ITK: variants seen among roughly 807,000 people sequenced by gnomAD.
ITK encodes the protein IL2 inducible T cell kinase, also known as tyrosine-protein kinase ITK/TSK.
ITK carries 45 observed loss-of-function variants against 87.6 expected under a neutral mutation model. The observed-to-expected ratio is 0.51, with a 90% CI of 0.40 to 0.66. ITK has a LOEUF of 0.66. ITK is among the 30% of genes least tolerant of loss of function. ITK has a pLI of 0.00. For missense variants in ITK, 605 were observed against 766.3 expected (o/e 0.79, Z 2.48); for synonymous variants, 303 against 273.6 (o/e 1.11, Z -1.06).
intron 1 of ITK, among the ~76,000 whole-genome samples, chr5:157,191,422 C>T (rs1753752507): frequency 6.6e-6 from 1 of 152,134 alleles, no homozygotes; most frequent in South Asian, 2.1e-4. Flanking sequence ...TTTGATTAAT[C>T]TCAAGACAGA....
intron 1 of ITK, among the ~76,000 whole-genome samples, chr5:157,200,360 A>G (rs1753940669): frequency 6.6e-6 from 1 of 152,204 alleles, no homozygotes; most frequent in African/African-American, 2.4e-5. Flanking sequence ...AGTAAGAATG[A>G]GAGCAGGTTG....
chr5:157,249,083 C>A (rs1182384706), intron 16 of ITK, 76 bp downstream of exon 16: 10 of 1,299,566 alleles, frequency 7.7e-6, no homozygotes, highest in African/African-American at 1.5e-5. Flanking sequence ...GAGAAAGGAA[C>A]CCTCTCAGAA....
chr5:157,218,928 T>C (rs939835290), intron 5 of ITK, among the ~76,000 whole-genome samples: 34 of 152,034 alleles, frequency 2.2e-4, no homozygotes, highest in African/African-American at 8.0e-4. Context: ...TGCATTTTAA[T>C]AAGCCTCCTC....
intron 9 of ITK, 41 bp downstream of exon 9, chr5:157,238,232 T>C: frequency 6.9e-7 from 1 of 1,444,608 alleles, no homozygotes; most frequent in Non-Finnish European, 9.7e-7. Context: ...AGAGAAACAC[T>C]TCTGAAGTGT....
At chr5:157,208,534 C>A (rs1194143948) in intron 1 of ITK, among the ~76,000 whole-genome samples, 2 of 152,154 alleles carry the variant, frequency 1.3e-5, no homozygotes, top group Non-Finnish European at 2.9e-5. Flanking sequence ...CATGGATAGA[C>A]ACAGAGAAGA....
At position 157,222,859 on chromosome 5, in the gene ITK, C is replaced by T. The variant is rs749411240; in HGVS notation, c.496-4C>T. 6 of 1,613,906 alleles carry T rather than the reference C, an allele frequency of 3.7e-6. No homozygotes were observed. Among genetic ancestry groups the T allele is most frequent in the East Asian group, 4.5e-5 (2 of 44,860 alleles). ...TGCTTGGTTTTGTTGTCTCTCTTCC[C>T]CAGCGACCACTTTGGGAACCTGAAG... On this transcript the variant is annotated splice_polypyrimidine_tract_variant and splice_region_variant and intron_variant, in intron 5 of 16. Transcript: ENST00000422843.
intron 1 of ITK, among the ~76,000 whole-genome samples, chr5:157,200,593 G>T (rs1408061763): frequency 6.6e-6 from 1 of 152,192 alleles, no homozygotes; most frequent in East Asian, 1.9e-4. Context: ...CTTGTGAGAT[G>T]CCAGAAGAAC....
intron 15 of ITK, among the ~76,000 whole-genome samples, chr5:157,246,837 C>A (rs1261208362): frequency 6.6e-6 from 1 of 152,112 alleles, no homozygotes. Flanking sequence ...ATTGGGAGAA[C>A]AACAGGCAAT....
chr5:157,192,235 C>G (rs1363186398), intron 1 of ITK, among the ~76,000 whole-genome samples: 1 of 152,068 alleles, frequency 6.6e-6, no homozygotes, highest in Non-Finnish European at 1.5e-5. Context: ...TTAAGGGGTG[C>G]CAAAAGGTCT....
chr5:157,223,792 G>A (rs1054150651), intron 6 of ITK, among the ~76,000 whole-genome samples: 35 of 152,178 alleles, frequency 2.3e-4, no homozygotes, highest in African/African-American at 7.9e-4. Flanking sequence ...ACACTGCAAC[G>A]AACATCTTTG....
intron 8 of ITK, among the ~76,000 whole-genome samples, chr5:157,234,184 T>C (rs886454605): frequency 2.0e-5 from 3 of 151,546 alleles, no homozygotes; most frequent in Admixed American, 6.6e-5. Context: ...TGTCGCCCTG[T>C]TGGCCAGACT....
chr5:157,233,463 C>A (rs1017557069), intron 8 of ITK, among the ~76,000 whole-genome samples: 2 of 152,218 alleles, frequency 1.3e-5, no homozygotes, highest in Non-Finnish European at 2.9e-5. Context: ...ATCAACTCAG[C>A]ACTTAATTAT....
At chr5:157,213,289 T>G (rs952153917) in intron 3 of ITK, among the ~76,000 whole-genome samples, 1 of 152,088 alleles carries the variant, frequency 6.6e-6, no homozygotes, top group Non-Finnish European at 1.5e-5. Context: ...GGGGAAAATA[T>G]CCCCGTGATC....
intron 1 of ITK, among the ~76,000 whole-genome samples, chr5:157,200,833 G>A (rs1052114619): frequency 5.9e-5 from 9 of 152,132 alleles, no homozygotes; most frequent in Non-Finnish European, 1.2e-4. Context: ...TTGGAGTCTC[G>A]CTGTCCACTA....
chr5:157,252,112 C>CA (rs1755149911), intron 16 of ITK, among the ~76,000 whole-genome samples: 1 of 152,138 alleles, frequency 6.6e-6, no homozygotes, highest in Non-Finnish European at 1.5e-5. Context: ...GTCTTCCTGT[C>CA]CATGAACATG....
At chr5:157,186,082 T>C (rs1046470243) in intron 1 of ITK, among the ~76,000 whole-genome samples, 5 of 152,318 alleles carry the variant, frequency 3.3e-5, no homozygotes, top group Non-Finnish European at 5.9e-5. Context: ...TTTAAACAAC[T>C]TGCCTGATGT....
At chr5:157,245,057 C>T (rs1251016774) in intron 13 of ITK, 1 of 171,710 alleles carries the variant, frequency 5.8e-6, no homozygotes, top group African/African-American at 2.4e-5. Flanking sequence ...AACCCCATCT[C>T]TACTGAAAAT....
At chr5:157,190,418 C>A (rs1363040214) in intron 1 of ITK, among the ~76,000 whole-genome samples, 1 of 152,218 alleles carries the variant, frequency 6.6e-6, no homozygotes, top group Non-Finnish European at 1.5e-5. Context: ...TTGTAAATAG[C>A]TGCTCTGTGC....
At chr5:157,182,557 C>T (rs562105917) in intron 1 of ITK, among the ~76,000 whole-genome samples, 8 of 152,154 alleles carry the variant, frequency 5.3e-5, no homozygotes, top group Non-Finnish European at 8.8e-5. Flanking sequence ...CATGGAATTA[C>T]GTGCAAGTCC....
Sources: allele counts gnomAD v4.1 joint callset (sites outside exome capture counted in the v4.1 genomes callset), GRCh38; gene constraint gnomAD v4.1.1; transcripts MANE v1.5; gene names NCBI Gene and HGNC (gene_info 2026-07-23, HGNC 2026-07-21).